Variants in ZNF264 observed in about 807,000 individuals in gnomAD.
ZNF264 encodes zinc finger protein 264.
Under a neutral mutation model 11.2 loss-of-function variants are expected in ZNF264, and 11 were observed. The observed-to-expected ratio is 0.98, with a 90% CI of 0.62 to 1.63. The LOEUF (loss-of-function observed/expected upper bound fraction) is 1.63, where lower values mean the gene tolerates loss of function less well. ZNF264 is among the 40% of genes most tolerant of loss of function. The pLI, the probability that ZNF264 is intolerant of heterozygous loss-of-function variation, is 0.00. For missense variants in ZNF264, 752 were observed against 768.1 expected (o/e 0.98, Z 0.25); for synonymous variants, 309 against 279.8 (o/e 1.10, Z -1.04).
In ZNF264 at chr19:57,198,212, C is replaced by T. The variant is rs184075316; in HGVS notation, c.160+4211C>T. 4.4e-3 allele frequency among the ~76,000 whole-genome samples: 669 copies of T among 152,044 alleles called. 22 individuals carry two copies. Among genetic ancestry groups the T allele is most frequent in the African/African-American group, 0.016 (645 of 41,300 alleles). On this transcript the variant is annotated intron_variant, in intron 2 of 3. Coordinates refer to ENST00000263095, the MANE Select transcript of ZNF264 (RefSeq NM_003417.5). ...TGTTAATTTGCTCAAGCAATGAAAC[C>T]ACATCTGGTATAGCAGCTGCAATTG...
Position 57,212,707 on chromosome 19 carries a change from A to G in ZNF264, c.1610A>G (p.Lys537Arg), listed in dbSNP as rs2087349950. 1.2e-6 allele frequency: 2 copies of G among 1,614,094 alleles called. No homozygotes were observed. Among genetic ancestry groups the G allele is most frequent in the African/African-American group, 1.3e-5 (1 of 74,932 alleles). Residue 537 changes from lysine (K) to arginine (R), a missense_variant, in exon 4 of 4, where the codon AAG (lysine) becomes AGG (arginine). Transcript: ENST00000263095. Reference protein sequence around the residue: ...IRHAIIHTGEKPYKCSECGKA... With the variant: ...IRHAIIHTGERPYKCSECGKA... ...CATGCCATTATCCACACTGGAGAGA[A>G]GCCCTATAAATGTAGTGAATGTGGA...
rs1020477934 is a variant in ZNF264 at position 57,201,112 on chromosome 19, T to C, written c.161-4285T>C. 2.6e-4 allele frequency among the ~76,000 whole-genome samples: 39 copies of C among 151,934 alleles called. 2 individuals are homozygous for C. The highest frequency in any genetic ancestry group is 9.2e-4 in the African/African-American group (38 of 41,206). Reference sequence around the variant, plus strand: ...TGTGAAGATATTTATATATATAGTTTTTAAGACTAAATAAGGGTGGTATTG... The same window carrying C: ...TGTGAAGATATTTATATATATAGTTCTTAAGACTAAATAAGGGTGGTATTG... On this transcript the variant is annotated intron_variant, in intron 2 of 3. Transcript: ENST00000263095.
chr19:57,204,294 G>A (rs1177980260), intron 2 of ZNF264, among the ~76,000 whole-genome samples: 1 of 152,106 alleles, frequency 6.6e-6, no homozygotes, highest in African/African-American at 2.4e-5. Context: ...TCATTGGTGA[G>A]ATGAGGATTT....
intron 2 of ZNF264, among the ~76,000 whole-genome samples, chr19:57,199,806 C>T (rs1304804436): frequency 6.6e-6 from 1 of 151,786 alleles, no homozygotes; most frequent in Non-Finnish European, 1.5e-5. Context: ...GTTGAGGGTG[C>T]TAGAGGAGAA....
intron 2 of ZNF264, chr19:57,194,688 G>A (rs2087199345): frequency 2.5e-6 from 1 of 396,142 alleles, no homozygotes; most frequent in Admixed American, 4.4e-5. Context: ...GCTGGCAGCT[G>A]ATTAGATGGT....
intron 2 of ZNF264, among the ~76,000 whole-genome samples, chr19:57,196,266 C>T (rs191404159): frequency 3.3e-5 from 5 of 151,948 alleles, no homozygotes; most frequent in Non-Finnish European, 5.9e-5. Flanking sequence ...AATACCATTA[C>T]GATGGATAAA....
intron 3 of ZNF264, among the ~76,000 whole-genome samples, chr19:57,207,604 T>C (rs1472884580): frequency 6.7e-6 from 1 of 149,444 alleles, no homozygotes; most frequent in Non-Finnish European, 1.5e-5. Flanking sequence ...AGTGCAGTGG[T>C]GCTATCTTGG....
Position 57,212,117 on chromosome 19 carries a change from G to A in ZNF264, c.1020G>A (p.Glu340=). The stretch of plus-strand genomic sequence containing the variant: ...GGCACTATGTTGTCCACAGTGGTGA[G>A]AATCCCTATGAGTGCTTGGAGTGTG... ...FLRHYVVHSG[E]NPYECLECGK... The change falls in exon 4 of 4, where the codon GAG becomes GAA. Residue 340 remains glutamate (E), a synonymous_variant. Coordinates refer to ENST00000263095, the MANE Select transcript of ZNF264 (RefSeq NM_003417.5). 6.2e-7 allele frequency: 1 copy of A among 1,614,180 alleles called. No homozygotes were observed. Among genetic ancestry groups the A allele is most frequent in the Non-Finnish European group, 8.5e-7 (1 of 1,180,038 alleles).
intron 2 of ZNF264, among the ~76,000 whole-genome samples, chr19:57,196,030 T>C (rs963143893): frequency 1.3e-5 from 2 of 151,840 alleles, no homozygotes; most frequent in East Asian, 3.8e-4. Context: ...TGGATGCTAA[T>C]TCAGAGCATA....
chr19:57,205,605 C>T (rs1349920480), intron 3 of ZNF264, 113 bp downstream of exon 3: 8 of 899,936 alleles, frequency 8.9e-6, no homozygotes, highest in Non-Finnish European at 1.4e-5. Context: ...CTCTATATAA[C>T]TCTTATATAA....
chr19:57,205,608 TTA>T, intron 3 of ZNF264, 116 bp downstream of exon 3: 2 of 882,734 alleles, frequency 2.3e-6, no homozygotes, highest in Admixed American at 2.1e-5. Context: ...TATATAACTC[TTA>T]TATAACTCTA....
In ZNF264 at chr19:57,212,942, A is replaced by G. The variant is rs765316475; in HGVS notation, c.1845A>G (p.Gln615=). 1.3e-5 allele frequency: 21 copies of G among 1,613,118 alleles called. No homozygotes were observed. The highest frequency in any genetic ancestry group is 1.6e-4 in the Middle Eastern group (1 of 6,080). Residue 615 remains glutamine (Q), a synonymous_variant, in exon 4 of 4, where the codon CAA becomes CAG. Coordinates refer to ENST00000263095, the MANE Select transcript of ZNF264 (RefSeq NM_003417.5). ...AAACATCTTCCTCTGCATCTGATCA[A>G]CCATACCAAAGAGAAACCCCACAAG... is the stretch of plus-strand genomic sequence containing the variant. ...PEETSSSASD[Q]PYQRETPQVS... is the part of the protein sequence containing the mutation.
chr19:57,209,370 A>G (rs1419151335), intron 3 of ZNF264, among the ~76,000 whole-genome samples: 1 of 152,066 alleles, frequency 6.6e-6, no homozygotes, highest in East Asian at 1.9e-4. Context: ...TGGCTACCCA[A>G]TTTTTCTAGC....
Position 57,222,728 on chromosome 19 carries a change from G to A in ZNF264, c.*9747G>A, listed in dbSNP as rs1051251543. 6.6e-6 allele frequency: 1 copy of A among 152,146 alleles called. No homozygotes were observed. The highest frequency in any genetic ancestry group is 2.4e-5 in the African/African-American group (1 of 41,430). The allele number at this position is 152,146 out of a possible 1,614,324, so 9.4% of individuals were successfully genotyped here. ...TATGTAAACAATTTGTCATCCTTTT[G>A]TTGCTGCTTTTGAAACTAGTTCATG... On this transcript the variant is annotated 3_prime_UTR_variant, in exon 4 of 4. Coordinates refer to ENST00000263095, the MANE Select transcript of ZNF264 (RefSeq NM_003417.5).
chr19:57,194,677 C>T lies in ZNF264; in HGVS notation c.160+676C>T, dbSNP rs577219117. 12 of 394,108 alleles carry T rather than the reference C, an allele frequency of 3.0e-5. No individual in the cohort carries two copies. In the South Asian group the frequency reaches 5.6e-4, roughly 18 times the overall value. 24.4% of individuals were successfully genotyped at this position (394,108 alleles called of 1,614,324 possible). On this transcript the variant is annotated intron_variant, in intron 2 of 3. Transcript: ENST00000263095. The stretch of plus-strand genomic sequence containing the variant: ...TTCTGCCTACTTTATATGCTGGCCT[C>T]GCTGGCAGCTGATTAGATGGTGCCC...
Position 57,215,169 on chromosome 19 carries a change from A to G in ZNF264, c.*2188A>G, listed in dbSNP as rs928804410. On this transcript the variant is annotated 3_prime_UTR_variant, in exon 4 of 4. Coordinates refer to ENST00000263095, the MANE Select transcript of ZNF264 (RefSeq NM_003417.5). ...TTATTTGTTCTTGTCATGTTTGATGACCTCTAGTCAACCATTGGGCCAGAG... is the reference window on the plus strand; with the variant it reads ...TTATTTGTTCTTGTCATGTTTGATGGCCTCTAGTCAACCATTGGGCCAGAG... 5 of 151,768 alleles carry G rather than the reference A, an allele frequency of 3.3e-5. No individual in the cohort carries two copies. The East Asian group carries it at 9.7e-4, about 29-fold the overall frequency. 9.4% of individuals were successfully genotyped at this position (151,768 alleles called of 1,614,324 possible).
At position 57,212,720 on chromosome 19, in the gene ZNF264, T is replaced by C. The variant is rs1265580931; in HGVS notation, c.1623T>C (p.Cys541=). ...IIHTGEKPYK[C]SECGKAFSRS... ...ACACTGGAGAGAAGCCCTATAAATG[T>C]AGTGAATGTGGAAAGGCCTTCAGTC... The change falls in exon 4 of 4, where the codon TGT becomes TGC. Residue 541 remains cysteine (C), a synonymous_variant. Transcript: ENST00000263095. The C allele has an allele frequency of 8.1e-6, 13 of 1,613,836 alleles. No homozygotes were observed. The highest frequency in any genetic ancestry group is 2.2e-5 in the East Asian group (1 of 44,864).
intron 1 of ZNF264, chr19:57,193,495 A>C: frequency 3.0e-6 from 3 of 985,434 alleles, no homozygotes; most frequent in Non-Finnish European, 3.6e-6. Context: ...CAGGATGTGA[A>C]GCCTTCAACA....
chr19:57,207,552 T>C (rs910702811), intron 3 of ZNF264, among the ~76,000 whole-genome samples: 6 of 145,284 alleles, frequency 4.1e-5, no homozygotes, highest in African/African-American at 1.3e-4. Flanking sequence ...TTTCTTTTTT[T>C]TTTTTTTTTT....
Sources: allele counts gnomAD v4.1 joint callset (sites outside exome capture counted in the v4.1 genomes callset), GRCh38; gene constraint gnomAD v4.1.1; transcripts MANE v1.5; gene names NCBI Gene and HGNC (gene_info 2026-07-23, HGNC 2026-07-21).